The following CSMD1 variants were observed in gnomAD, a reference collection of about 807,000 sequenced individuals.
CSMD1 encodes CUB and sushi domain-containing protein 1.
In CSMD1, 213 loss-of-function variants were observed where a neutral mutation model predicts 417.5. The ratio of observed to expected loss-of-function variants is 0.51; its 90% confidence interval spans 0.46 to 0.57. The LOEUF is 0.57. Ranked by LOEUF, CSMD1 falls within the 20% of genes least tolerant of loss-of-function variation. The pLI, the probability that CSMD1 is intolerant of heterozygous loss-of-function variation, is 0.00. For missense variants in CSMD1, 6,923 were observed against 4,529.7 expected (o/e 1.53, Z -15.17); for synonymous variants, 2,862 against 1,736.8 (o/e 1.65, Z -16.11).
In CSMD1 at chr8:4,098,519, G is replaced by C. The variant is rs553508624; in HGVS notation, c.416-66420C>G. ...AGTTTTAGGCCAGTTACCCAGCTGC[G>C]AAGTCAACCACAGAGAGCTGAGAAA... On this transcript the variant is annotated intron_variant, in intron 3 of 69. Transcript: ENST00000635120. 2.6e-5 allele frequency among the ~76,000 whole-genome samples: 4 copies of C among 152,160 alleles called. No individual in the cohort carries two copies. In the East Asian group the frequency reaches 5.8e-4, roughly 22 times the overall value.
chr8:4,095,736 G>T (rs1278328264), intron 3 of CSMD1, among the ~76,000 whole-genome samples: 1 of 152,134 alleles, frequency 6.6e-6, no homozygotes, highest in Non-Finnish European at 1.5e-5. Flanking sequence ...TTCAAGTCAC[G>T]TAGTTTTATT....
intron 8 of CSMD1, among the ~76,000 whole-genome samples, chr8:3,589,267 G>A (rs779840836): frequency 1.2e-4 from 18 of 152,046 alleles, no homozygotes; most frequent in Non-Finnish European, 1.8e-4. Context: ...AAATCAATAC[G>A]TTGAAGAGAT....
intron 5 of CSMD1, among the ~76,000 whole-genome samples, chr8:3,842,330 C>G (rs535544213): frequency 6.6e-6 from 1 of 152,066 alleles, no homozygotes; most frequent in Non-Finnish European, 1.5e-5. Flanking sequence ...CACTCTGACT[C>G]AATTAGGTTT....
intron 2 of CSMD1, among the ~76,000 whole-genome samples, chr8:4,448,809 C>A (rs1426621410): frequency 6.6e-6 from 1 of 152,132 alleles, no homozygotes; most frequent in African/African-American, 2.4e-5. Context: ...AGACAGAAAC[C>A]TAATTCTGGG....
chr8:3,728,543 G>C (rs1258116792), intron 6 of CSMD1, among the ~76,000 whole-genome samples: 1 of 152,092 alleles, frequency 6.6e-6, no homozygotes, highest in Non-Finnish European at 1.5e-5. Flanking sequence ...ATAAACGTAG[G>C]TTTGCCTATG....
At chr8:3,172,495 C>T (rs1820641680) in intron 37 of CSMD1, among the ~76,000 whole-genome samples, 2 of 152,240 alleles carry the variant, frequency 1.3e-5, no homozygotes, top group Middle Eastern at 3.4e-3. Flanking sequence ...TCTAATTGTG[C>T]CCCCACCTCA....
At chr8:3,613,104 T>C (rs1263381678) in intron 8 of CSMD1, among the ~76,000 whole-genome samples, 2 of 152,034 alleles carry the variant, frequency 1.3e-5, no homozygotes, top group Non-Finnish European at 2.9e-5. Context: ...TTACTACTCA[T>C]TTAAAGGATA....
chr8:4,831,021 G>C (rs1233627310), intron 1 of CSMD1, among the ~76,000 whole-genome samples: 1 of 152,080 alleles, frequency 6.6e-6, no homozygotes, highest in African/African-American at 2.4e-5. Context: ...CAAAGCACTT[G>C]GTGAATAACA....
chr8:4,594,688 A>G (rs1800164016), intron 2 of CSMD1, among the ~76,000 whole-genome samples: 1 of 152,172 alleles, frequency 6.6e-6, no homozygotes. Context: ...TTGCCTTTGT[A>G]ATCAAAACTA....
At chr8:3,490,185 G>C (rs534053856) in intron 11 of CSMD1, among the ~76,000 whole-genome samples, 5 of 152,264 alleles carry the variant, frequency 3.3e-5, no homozygotes, top group Non-Finnish European at 7.3e-5. Context: ...CTCTTCTGCA[G>C]CTGATTAAAT....
In CSMD1 at chr8:3,772,460, C is replaced by CT. The variant is rs1563064382; in HGVS notation, c.819-18419_819-18418insA. ...ACATTTATATATACACATATATATA[C>CT]ATATATACACATATATATACATATA... On this transcript the variant is annotated intron_variant, in intron 5 of 69. Transcript: ENST00000635120. Among the ~76,000 whole-genome samples the CT allele has an allele frequency of 4.6e-3, 286 of 61,670 alleles. 61 individuals carry two copies. The highest frequency in any genetic ancestry group is 5.3e-3 in the Non-Finnish European group (158 of 29,902). 40.5% of individuals were successfully genotyped at this position (61,670 alleles called of 152,430 possible).
intron 8 of CSMD1, among the ~76,000 whole-genome samples, chr8:3,600,051 G>A (rs1801287873): frequency 6.6e-6 from 1 of 152,192 alleles, no homozygotes; most frequent in Non-Finnish European, 1.5e-5. Context: ...ATCACTAAGG[G>A]TAGAGCTGGT....
At chr8:3,216,771 C>T (rs1487249917) in intron 29 of CSMD1, among the ~76,000 whole-genome samples, 2 of 152,250 alleles carry the variant, frequency 1.3e-5, no homozygotes. Context: ...TTTCCTGCAT[C>T]AGAGGCCAGG....
chr8:3,892,369 C>A (rs999654248), intron 5 of CSMD1, among the ~76,000 whole-genome samples: 1 of 152,016 alleles, frequency 6.6e-6, no homozygotes, highest in African/African-American at 2.4e-5. Flanking sequence ...ACGTATTATG[C>A]TTTCTATGTG....
intron 65 of CSMD1, among the ~76,000 whole-genome samples, chr8:2,952,845 T>A (rs1476610828): frequency 6.6e-6 from 1 of 152,288 alleles, no homozygotes; most frequent in East Asian, 1.9e-4. Context: ...GGCTTCTGTG[T>A]ATTAAAATAG....
At chr8:4,838,469 T>G (rs10090282) in intron 1 of CSMD1, among the ~76,000 whole-genome samples, 75,557 of 151,804 alleles carry the variant, frequency 0.5, 19,496 homozygotes, top group East Asian at 0.69. Context: ...ACTGCCCTGA[T>G]GAAGATGCTT....
intron 54 of CSMD1, among the ~76,000 whole-genome samples, chr8:2,992,191 GCACACATACATA>G (rs1563213921): frequency 1.1e-5 from 1 of 89,550 alleles, no homozygotes; most frequent in Non-Finnish European, 2.0e-5. Flanking sequence ...ACACACACAT[GCACACATACATA>G]CACACATGCA....
chr8:4,862,531 G>A (rs555795902), intron 1 of CSMD1, among the ~76,000 whole-genome samples: 2 of 152,194 alleles, frequency 1.3e-5, no homozygotes, highest in African/African-American at 2.4e-5. Context: ...ACGAAGAAGA[G>A]TAGTGGAGGT....
Position 3,230,150 on chromosome 8 carries a change from G to A in CSMD1, c.4235C>T (p.Thr1412Ile), listed in dbSNP as rs762174356. 3.7e-6 allele frequency: 6 copies of A among 1,613,446 alleles called. No homozygotes were observed. In the African/African-American group the frequency reaches 6.7e-5, roughly 18 times the overall value. ...GCCAGGGTCACACTGGAATGTGACG[G>A]TGTCTCCAGCCTCTCTGCTGTCTCC... Reference protein sequence around the residue: ...RYGDSREAGDTVTFQCDPGYQ... With the variant: ...RYGDSREAGDIVTFQCDPGYQ... The change falls in exon 27 of 70, where the codon ACC becomes ATC. Residue 1412 changes from threonine (T) to isoleucine (I), a missense_variant. Thr to Ile is a moderately conservative substitution (Grantham distance 89). Coordinates refer to ENST00000635120, the MANE Select transcript of CSMD1 (RefSeq NM_033225.6).
Sources: gnomAD v4.1 joint callset for allele counts (sites outside exome capture counted in the v4.1 genomes callset) on GRCh38, gnomAD v4.1.1 for gene constraint, MANE v1.5 for transcripts, NCBI Gene and HGNC (gene_info 2026-07-23, HGNC 2026-07-21) for gene names.